ITGA8: variants seen among roughly 807,000 people sequenced by gnomAD.
ITGA8 encodes integrin subunit alpha 8, also known as integrin alpha-8.
A neutral mutation model predicts 142.3 loss-of-function variants in ITGA8; 91 were observed. That is an observed-to-expected ratio of 0.64 (90% CI 0.54 to 0.76). The LOEUF is 0.76. Among genes scored for constraint, ITGA8 ranks in the 30% least tolerant of loss-of-function variants. The probability of loss-of-function intolerance (pLI) is 0.00; values close to 1 mark genes in which losing one functional copy is unlikely to be tolerated. For missense variants in ITGA8, 1,406 were observed against 1,327.7 expected (o/e 1.06, Z -0.92); for synonymous variants, 505 against 485.2 (o/e 1.04, Z -0.54).
intron 13 of ITGA8, among the ~76,000 whole-genome samples, chr10:15,635,956 C>CACACACACAG (rs3222369): frequency 6.7e-6 from 1 of 150,070 alleles, no homozygotes. Flanking sequence ...CACACACACA[C>CACACACACAG]AGAGCACTCA....
chr10:15,691,060 A>G (rs1272814918), intron 2 of ITGA8, among the ~76,000 whole-genome samples: 1 of 152,248 alleles, frequency 6.6e-6, no homozygotes, highest in African/African-American at 2.4e-5. Context: ...GAAAGAAGGC[A>G]TACAAACGGC....
At chr10:15,660,357 C>A (rs1286740539) in intron 9 of ITGA8, among the ~76,000 whole-genome samples, 1 of 152,220 alleles carries the variant, frequency 6.6e-6, no homozygotes, top group Non-Finnish European at 1.5e-5. Flanking sequence ...TAAGTAGCTG[C>A]TCCTGCACAT....
intron 2 of ITGA8, among the ~76,000 whole-genome samples, chr10:15,713,127 G>C (rs1271499768): frequency 6.6e-6 from 1 of 152,188 alleles, no homozygotes; most frequent in South Asian, 2.1e-4. Flanking sequence ...GTTCAGTTGT[G>C]TTCTGTTGCA....
At chr10:15,666,407 G>A (rs1396754330) in intron 8 of ITGA8, among the ~76,000 whole-genome samples, 1 of 152,168 alleles carries the variant, frequency 6.6e-6, no homozygotes, top group Admixed American at 6.5e-5. Flanking sequence ...ATCAGCTTGA[G>A]GAGATTTTGG....
Position 15,613,680 on chromosome 10 carries a change from G to A in ITGA8, c.1533C>T (p.Asp511=). Residue 511 remains aspartate, a synonymous_variant, in exon 15 of 30, where the codon GAC becomes GAT. Coordinates refer to ENST00000378076, the MANE Select transcript of ITGA8 (RefSeq NM_003638.3). The stretch of plus-strand genomic sequence containing the variant: ...CTCACCAGGCAGCAGATGTCATAGA[G>A]TCTGGAACCTGGCAAGTTTTATTTT... ...NLENKTCQVP[D]SMTSAACFSL... The A allele has an allele frequency of 6.2e-7, 1 of 1,613,080 alleles. No individual in the cohort carries two copies. The highest frequency in any genetic ancestry group is 8.5e-7 in the Non-Finnish European group (1 of 1,179,024).
chr10:15,525,140 C>G (rs371005512), intron 28 of ITGA8, among the ~76,000 whole-genome samples: 1 of 152,182 alleles, frequency 6.6e-6, no homozygotes, highest in East Asian at 1.9e-4. Flanking sequence ...TCTTGAGTAG[C>G]TGGGACTACA....
rs187006608 is a variant in ITGA8 at position 15,657,670 on chromosome 10, C to T, written c.948+1329G>A. On this transcript the variant is annotated intron_variant, in intron 10 of 29. Transcript: ENST00000378076. ...TCTTTAAATACTGAGTTGGTGCTTC[C>T]GTCTAAAGGAAGCCAGTTGTGAACT... Among the ~76,000 whole-genome samples the T allele has an allele frequency of 2.0e-4, 30 of 152,084 alleles. No homozygotes were observed. In the East Asian group the frequency reaches 5.2e-3, roughly 26 times the overall value.
Position 15,607,605 on chromosome 10 carries a change from T to G in ITGA8, c.1764+72A>C, listed in dbSNP as rs550338109. On this transcript the variant is annotated intron_variant, in intron 17 of 29. Coordinates refer to ENST00000378076, the MANE Select transcript of ITGA8 (RefSeq NM_003638.3). Reference sequence around the variant, plus strand: ...GGGTCTATGCAGACAAACATGATGGTTAAATGGAGAAAAATGGTTGGAATT... The same window carrying G: ...GGGTCTATGCAGACAAACATGATGGGTAAATGGAGAAAAATGGTTGGAATT... 2.1e-5 allele frequency: 30 copies of G among 1,436,992 alleles called. No homozygotes were observed. In the African/African-American group the frequency reaches 3.4e-4, roughly 16 times the overall value. The allele number at this position is 1,436,992 out of a possible 1,614,324, so 89.0% of individuals were successfully genotyped here.
chr10:15,715,172 GA>G (rs2131742692), intron 2 of ITGA8, among the ~76,000 whole-genome samples: 1 of 152,152 alleles, frequency 6.6e-6, no homozygotes, highest in African/African-American at 2.4e-5. Context: ...CAGAGACCAT[GA>G]AGGGGCATTC....
chr10:15,630,612 G>T (rs1244041656), intron 13 of ITGA8, among the ~76,000 whole-genome samples: 4 of 151,986 alleles, frequency 2.6e-5, no homozygotes, highest in African/African-American at 4.8e-5. Flanking sequence ...AGTGGGAAAT[G>T]AACTCCTGGG....
intron 26 of ITGA8, among the ~76,000 whole-genome samples, chr10:15,555,848 A>G (rs1416421155): frequency 2.0e-5 from 3 of 151,058 alleles, no homozygotes; most frequent in African/African-American, 7.3e-5. Flanking sequence ...GGCACCCACC[A>G]CCACGCCCGG....
chr10:15,572,025 A>G (rs1834194214), intron 25 of ITGA8, among the ~76,000 whole-genome samples, 186 bp downstream of exon 25: 1 of 152,322 alleles, frequency 6.6e-6, no homozygotes, highest in Middle Eastern at 3.4e-3. Context: ...AAGAAATTTA[A>G]ATTTGCTAGA....
chr10:15,652,908 A>C (rs1359050841), intron 11 of ITGA8, among the ~76,000 whole-genome samples: 2 of 152,210 alleles, frequency 1.3e-5, no homozygotes, highest in Non-Finnish European at 2.9e-5. Flanking sequence ...ACAGCTGATA[A>C]CAGCGAAGCC....
At chr10:15,662,301 C>A in intron 8 of ITGA8, among the ~76,000 whole-genome samples, 1 of 136,334 alleles carries the variant, frequency 7.3e-6, no homozygotes, top group African/African-American at 2.7e-5. Flanking sequence ...TTTTCAATAA[C>A]TCAAGGTGAA....
intron 15 of ITGA8, among the ~76,000 whole-genome samples, chr10:15,609,174 C>A (rs1037124868): frequency 6.6e-6 from 1 of 152,110 alleles, no homozygotes; most frequent in African/African-American, 2.4e-5. Flanking sequence ...ACGACTGACT[C>A]CCTGGCTGCC....
At chr10:15,667,544 T>A (rs11253600) in intron 8 of ITGA8, among the ~76,000 whole-genome samples, 1 of 151,856 alleles carries the variant, frequency 6.6e-6, no homozygotes, top group Non-Finnish European at 1.5e-5. Flanking sequence ...TCTTAGTTAT[T>A]TCTTGCCTTC....
intron 11 of ITGA8, among the ~76,000 whole-genome samples, chr10:15,651,712 G>A (rs532695740): frequency 4.6e-5 from 7 of 152,026 alleles, no homozygotes; most frequent in South Asian, 4.1e-4. Context: ...AAATGTGTGC[G>A]TGCAGGGAAG....
chr10:15,518,509 A>G lies in ITGA8; in HGVS notation c.3105+781T>C, dbSNP rs116743510. Among the ~76,000 whole-genome samples the G allele has an allele frequency of 5.8e-3, 882 of 152,364 alleles. 6 individuals carry two copies. Among genetic ancestry groups the G allele is most frequent in the African/African-American group, 0.021 (854 of 41,578 alleles). Reference sequence around the variant, plus strand: ...TTCTCAGTTTATAGGTCTATTAGTCATGCTGCATATTGTTTCAAAATAAAA... The same window carrying G: ...TTCTCAGTTTATAGGTCTATTAGTCGTGCTGCATATTGTTTCAAAATAAAA... On this transcript the variant is annotated intron_variant, in intron 29 of 29. Transcript: ENST00000378076.
chr10:15,719,189 T>G (rs967865116), intron 1 of ITGA8, among the ~76,000 whole-genome samples: 1 of 152,178 alleles, frequency 6.6e-6, no homozygotes, highest in Non-Finnish European at 1.5e-5. Flanking sequence ...CAGCTGCTGG[T>G]AGCCGACAGC....
Sources: gnomAD v4.1 joint callset for allele counts (sites outside exome capture counted in the v4.1 genomes callset) on GRCh38, gnomAD v4.1.1 for gene constraint, MANE v1.5 for transcripts, NCBI Gene and HGNC (gene_info 2026-07-23, HGNC 2026-07-21) for gene names.